CSMD1: variants seen among roughly 807,000 people sequenced by gnomAD.
The protein encoded by CSMD1 is CUB and sushi domain-containing protein 1.
A neutral mutation model predicts 417.5 loss-of-function variants in CSMD1; 213 were observed. That is an observed-to-expected ratio of 0.51 (90% CI 0.46 to 0.57). CSMD1 has a LOEUF of 0.57. CSMD1 is among the 20% of genes least tolerant of loss of function. CSMD1 has a pLI of 0.00. For synonymous variants in CSMD1, 2,862 were observed against 1,736.8 expected (o/e 1.65, Z -16.11); for missense variants, 6,923 against 4,529.7 (o/e 1.53, Z -15.17).
At chr8:3,251,421 A>G (rs183152685) in intron 26 of CSMD1, among the ~76,000 whole-genome samples, 1 of 152,188 alleles carries the variant, frequency 6.6e-6, no homozygotes, top group East Asian at 1.9e-4. Flanking sequence ...GCATTGGTCT[A>G]TATCTCTGTT....
rs1797488742 is a variant in CSMD1, at chr8:4,787,837, C to T, written c.86-150279G>A. 3.2e-6 allele frequency: 5 copies of T among 1,569,596 alleles called. No individual in the cohort carries two copies. The South Asian group carries it at 3.4e-5, about 11-fold the overall frequency. On this transcript the variant is annotated intron_variant, in intron 1 of 69. Coordinates refer to ENST00000635120, the MANE Select transcript of CSMD1 (RefSeq NM_033225.6). Reference sequence around the variant, plus strand: ...TGCTACACAGGCTATATTTGAAATGCTGGAGAAATCCTGGTTGCCCCAGAA... The same window carrying T: ...TGCTACACAGGCTATATTTGAAATGTTGGAGAAATCCTGGTTGCCCCAGAA...
At chr8:4,676,329 C>T (rs1037368523) in intron 1 of CSMD1, among the ~76,000 whole-genome samples, 1 of 152,106 alleles carries the variant, frequency 6.6e-6, no homozygotes, top group Non-Finnish European at 1.5e-5. Flanking sequence ...GAAACAGAAG[C>T]TCCTGTATCC....
chr8:4,169,097 C>G (rs749167254), intron 3 of CSMD1, among the ~76,000 whole-genome samples: 91 of 152,172 alleles, frequency 6.0e-4, no homozygotes, highest in Admixed American at 1.2e-3. Context: ...TGGCTTAGTC[C>G]TTGAACCTCT....
chr8:4,976,608 A>G (rs1444134815), intron 1 of CSMD1, among the ~76,000 whole-genome samples: 2 of 152,194 alleles, frequency 1.3e-5, no homozygotes, highest in African/African-American at 2.4e-5. Flanking sequence ...AACAGCTTAA[A>G]GACAAGCACA....
At chr8:3,740,534 G>A (rs987858911) in intron 6 of CSMD1, among the ~76,000 whole-genome samples, 1 of 152,250 alleles carries the variant, frequency 6.6e-6, no homozygotes, top group East Asian at 1.9e-4. Context: ...ATATACAGAC[G>A]GAAAGGAGAA....
chr8:3,627,335 G>T (rs143075275), intron 7 of CSMD1, among the ~76,000 whole-genome samples: 1 of 152,046 alleles, frequency 6.6e-6, no homozygotes, highest in Non-Finnish European at 1.5e-5. Flanking sequence ...GCTATAATAC[G>T]TGCGTTAAGA....
chr8:3,125,705 C>T (rs748123843), intron 41 of CSMD1, among the ~76,000 whole-genome samples: 4 of 152,094 alleles, frequency 2.6e-5, no homozygotes, highest in African/African-American at 9.7e-5. Flanking sequence ...GGCCAGGTGC[C>T]GTGGCTCATG....
intron 1 of CSMD1, among the ~76,000 whole-genome samples, chr8:4,820,710 C>T (rs917400165): frequency 6.6e-6 from 1 of 152,150 alleles, no homozygotes; most frequent in Non-Finnish European, 1.5e-5. Flanking sequence ...GGCTGCATAG[C>T]TCATGGACTA....
intron 4 of CSMD1, among the ~76,000 whole-genome samples, chr8:4,013,913 T>C (rs1459066679): frequency 6.6e-6 from 1 of 152,128 alleles, no homozygotes; most frequent in African/African-American, 2.4e-5. Context: ...ATCTGGCCTT[T>C]GACAAAAAAT....
At chr8:2,992,450 G>C (rs1806479056) in intron 54 of CSMD1, among the ~76,000 whole-genome samples, 1 of 151,836 alleles carries the variant, frequency 6.6e-6, no homozygotes, top group Non-Finnish European at 1.5e-5. Context: ...TTTTAATGAA[G>C]TCTCGCTCTG....
At chr8:4,001,348 C>T (rs1815658045) in intron 4 of CSMD1, among the ~76,000 whole-genome samples, 1 of 152,192 alleles carries the variant, frequency 6.6e-6, no homozygotes, top group Non-Finnish European at 1.5e-5. Context: ...GGCCCCCACC[C>T]TGCAGCCATT....
chr8:4,234,376 T>C (rs1801923566), intron 3 of CSMD1, among the ~76,000 whole-genome samples: 1 of 152,066 alleles, frequency 6.6e-6, no homozygotes, highest in South Asian at 2.1e-4. Context: ...GTGGAAGATG[T>C]GTGGCAGCCA....
chr8:3,703,957 G>A (rs373888085), intron 7 of CSMD1, among the ~76,000 whole-genome samples: 299 of 152,198 alleles, frequency 2.0e-3, no homozygotes, highest in Middle Eastern at 0.01. Context: ...TGTACTCCCT[G>A]CTATTTGGGA....
chr8:4,884,852 C>G (rs1803637064), intron 1 of CSMD1, among the ~76,000 whole-genome samples: 1 of 151,982 alleles, frequency 6.6e-6, no homozygotes, highest in African/African-American at 2.4e-5. Flanking sequence ...TTGGGGTTCT[C>G]TTGAATTTCA....
At chr8:3,624,211 C>T (rs550734389) in intron 7 of CSMD1, among the ~76,000 whole-genome samples, 5 of 152,050 alleles carry the variant, frequency 3.3e-5, no homozygotes, top group Non-Finnish European at 7.4e-5. Flanking sequence ...ACCAAACATA[C>T]ACATGGGAAG....
chr8:4,351,506 T>C (rs868543590), intron 3 of CSMD1, among the ~76,000 whole-genome samples: 1 of 152,138 alleles, frequency 6.6e-6, no homozygotes, highest in East Asian at 1.9e-4. Context: ...AGGAAGAAAA[T>C]TGACAGAACT....
chr8:4,018,809 C>A (rs566881192), intron 4 of CSMD1, among the ~76,000 whole-genome samples: 2 of 152,316 alleles, frequency 1.3e-5, no homozygotes, highest in East Asian at 3.9e-4. Context: ...CTGCCTTCCC[C>A]ACATACAGCG....
Position 4,208,453 on chromosome 8 carries a change from T to C in CSMD1, c.416-176354A>G, listed in dbSNP as rs759707643. On this transcript the variant is annotated intron_variant, in intron 3 of 69. Coordinates refer to ENST00000635120, the MANE Select transcript of CSMD1 (RefSeq NM_033225.6). ...TGGTTTTTCAAAATTTCTTTGGCTATAAAAAATTGATAATTGATGTTTCTA... is the reference window on the plus strand; with the variant it reads ...TGGTTTTTCAAAATTTCTTTGGCTACAAAAAATTGATAATTGATGTTTCTA... 2.6e-5 allele frequency among the ~76,000 whole-genome samples: 4 copies of C among 152,328 alleles called. No homozygotes were observed. The East Asian group carries it at 5.8e-4, about 22-fold the overall frequency.
chr8:4,280,915 T>C (rs535103479), intron 3 of CSMD1, among the ~76,000 whole-genome samples: 3 of 152,332 alleles, frequency 2.0e-5, no homozygotes, highest in South Asian at 2.1e-4. Flanking sequence ...GAAGTTGCAA[T>C]TGCAAAAGTA....
Sources: gnomAD v4.1 joint callset for allele counts (sites outside exome capture counted in the v4.1 genomes callset) on GRCh38, gnomAD v4.1.1 for gene constraint, MANE v1.5 for transcripts, NCBI Gene and HGNC (gene_info 2026-07-23, HGNC 2026-07-21) for gene names.